HAVCR2: variants seen among roughly 807,000 people sequenced by gnomAD.
The protein encoded by HAVCR2 is hepatitis A virus cellular receptor 2, also known as T cell immunoglobulin mucin 3.
A neutral mutation model predicts 24.7 loss-of-function variants in HAVCR2; 13 were observed. The ratio of observed to expected loss-of-function variants is 0.53; its 90% CI spans 0.34 to 0.84. The LOEUF is 0.84. Ranked by LOEUF, HAVCR2 falls within the 40% of genes least tolerant of loss-of-function variation. The pLI, the probability that HAVCR2 is intolerant of heterozygous loss-of-function variation, is 0.01. For missense variants in HAVCR2, 343 were observed against 371.2 expected, an observed-to-expected ratio of 0.92 and a Z score of 0.62; for synonymous variants, 154 against 143.4, an observed-to-expected ratio of 1.07 and a Z score of -0.53.
At chr5:157,104,837 C>T (rs796258996) in intron 2 of HAVCR2, 88 bp from the exon 3 acceptor site, 34 of 915,704 alleles carry the variant, frequency 3.7e-5, no homozygotes, top group Middle Eastern at 5.5e-4. Context: ...GAAAAAAATG[C>T]GAAAGACAAT....
At chr5:157,102,225 C>A (rs532826132) in intron 3 of HAVCR2, among the ~76,000 whole-genome samples, 1 of 152,208 alleles carries the variant, frequency 6.6e-6, no homozygotes, top group Admixed American at 6.5e-5. Flanking sequence ...GTGTGAGCCA[C>A]TGCACTCAGC....
intron 1 of HAVCR2, among the ~76,000 whole-genome samples, chr5:157,108,091 T>C (rs562297377): frequency 2.6e-5 from 4 of 152,240 alleles, no homozygotes; most frequent in African/African-American, 9.6e-5. Flanking sequence ...TTATATATGA[T>C]AAAACATTCA....
intron 5 of HAVCR2, among the ~76,000 whole-genome samples, chr5:157,090,585 G>A (rs1352135695): frequency 6.6e-6 from 1 of 151,974 alleles, no homozygotes; most frequent in African/African-American, 2.4e-5. Context: ...ATCTCAATAT[G>A]TTGCCCAGGC....
intron 3 of HAVCR2, among the ~76,000 whole-genome samples, chr5:157,103,914 CAT>C (rs1186368173): frequency 1.1e-4 from 16 of 152,140 alleles, no homozygotes; most frequent in Admixed American, 1.0e-3. Context: ...CAACAGCTAA[CAT>C]GTACAAATTG....
chr5:157,089,157 T>C (rs1188646982), intron 5 of HAVCR2, among the ~76,000 whole-genome samples, 180 bp from the exon 6 acceptor site: 2 of 152,176 alleles, frequency 1.3e-5, no homozygotes, highest in Non-Finnish European at 2.9e-5. Flanking sequence ...TAGAAAATAA[T>C]AATAAAGATG....
At chr5:157,094,854 A>T (rs1039666026) in intron 5 of HAVCR2, among the ~76,000 whole-genome samples, 1 of 152,208 alleles carries the variant, frequency 6.6e-6, no homozygotes, top group Non-Finnish European at 1.5e-5. Flanking sequence ...CTGAGAAACC[A>T]ATAACAGAAA....
At chr5:157,099,905 A>G (rs1451664341) in intron 3 of HAVCR2, among the ~76,000 whole-genome samples, 1 of 152,162 alleles carries the variant, frequency 6.6e-6, no homozygotes, top group Non-Finnish European at 1.5e-5. Context: ...CATGTTGGCC[A>G]GGCTAGTCTC....
intron 5 of HAVCR2, among the ~76,000 whole-genome samples, chr5:157,090,237 T>G (rs1199977980): frequency 1.4e-5 from 2 of 146,246 alleles, no homozygotes; most frequent in Non-Finnish European, 3.0e-5. Context: ...TCAAGGGATC[T>G]ACCCATCTCA....
chr5:157,099,923 T>C (rs1258951015), intron 3 of HAVCR2, among the ~76,000 whole-genome samples: 1 of 152,164 alleles, frequency 6.6e-6, no homozygotes, highest in Non-Finnish European at 1.5e-5. Flanking sequence ...CTCGAACTCC[T>C]GACCTCAAGT....
At chr5:157,094,571 T>TG (rs779146922) in intron 5 of HAVCR2, among the ~76,000 whole-genome samples, 2 of 151,696 alleles carry the variant, frequency 1.3e-5, no homozygotes, top group African/African-American at 2.4e-5. Flanking sequence ...TTAGTAGAGA[T>TG]GGGGTCTCAC....
rs977349621 is a variant in HAVCR2 at position 157,085,917 on chromosome 5, A to C, written c.*1185T>G. On this transcript the variant is annotated 3_prime_UTR_variant, in exon 7 of 7. Transcript: ENST00000307851. Reference sequence around the variant, plus strand: ...GGGGCAACAATAAGCAAGACAGATCAAGCCTATACCGTCTTGAAATTTAAG... The same window carrying C: ...GGGGCAACAATAAGCAAGACAGATCCAGCCTATACCGTCTTGAAATTTAAG... 2 of 152,208 alleles carry C rather than the reference A, an allele frequency of 1.3e-5. No homozygotes were observed. Among genetic ancestry groups the C allele is most frequent in the African/African-American group, 4.8e-5 (2 of 41,458 alleles). The allele number at this position is 152,208 out of a possible 1,614,324, so 9.4% of individuals were successfully genotyped here.
At chr5:157,089,078 C>T in intron 5 of HAVCR2, 101 bp from the exon 6 acceptor site, 1 of 965,492 alleles carries the variant, frequency 1.0e-6, no homozygotes. Context: ...TTAGGGAAAT[C>T]TGGTCTCATC....
intron 2 of HAVCR2, among the ~76,000 whole-genome samples, chr5:157,105,142 G>T (rs940080513): frequency 1.3e-5 from 2 of 151,042 alleles, no homozygotes; most frequent in Admixed American, 6.6e-5. Context: ...TCGGCTCACT[G>T]CAACCTCCGC....
chr5:157,106,303 T>C, intron 2 of HAVCR2: 1 of 227,966 alleles, frequency 4.4e-6, no homozygotes, highest in Non-Finnish European at 8.7e-6. Context: ...GCTAATTTTT[T>C]GTATTTTTAG....
At position 157,095,365 on chromosome 5, in the gene HAVCR2, C is replaced by G. The variant is rs767714424; in HGVS notation, c.617G>C (p.Gly206Ala). The G allele has an allele frequency of 6.2e-7, 1 of 1,614,076 alleles. No homozygotes were observed. Among genetic ancestry groups the G allele is most frequent in the Non-Finnish European group, 8.5e-7 (1 of 1,180,008 alleles). Residue 206 changes from glycine (G) to alanine (A), a missense_variant, in exon 5 of 7, where the codon GGA (glycine) becomes GCA (alanine). Transcript: ENST00000307851. ...AGCCAGCCCAGCACAGATCCCTGCTCCGATGTAGATGCCTATTCTGATGGT... is the reference window on the plus strand; with the variant it reads ...AGCCAGCCCAGCACAGATCCCTGCTGCGATGTAGATGCCTATTCTGATGGT... ...GATIRIGIYIGAGICAGLALA... is the reference protein window; with the variant it reads ...GATIRIGIYIAAGICAGLALA...
At chr5:157,101,897 T>C (rs1757172431) in intron 3 of HAVCR2, among the ~76,000 whole-genome samples, 1 of 150,302 alleles carries the variant, frequency 6.7e-6, no homozygotes, top group Non-Finnish European at 1.5e-5. Flanking sequence ...GCCTCAGCCC[T>C]GCCAAGTAGC....
Position 157,088,923 on chromosome 5 carries a change from C to T in HAVCR2, c.713+18G>A. The T allele has an allele frequency of 6.2e-7, 1 of 1,605,102 alleles. No homozygotes were observed. Among genetic ancestry groups the T allele is most frequent in the Non-Finnish European group, 8.5e-7 (1 of 1,173,668 alleles). On this transcript the variant is annotated intron_variant, in intron 6 of 6. Coordinates refer to ENST00000307851, the MANE Select transcript of HAVCR2 (RefSeq NM_032782.5). ...CCAAGATTCTCACCTTTTCCCAACCCCATTCCATTATTCTTACCTTAAATT... is the reference window on the plus strand; with the variant it reads ...CCAAGATTCTCACCTTTTCCCAACCTCATTCCATTATTCTTACCTTAAATT...
At chr5:157,092,077 A>G (rs909033704) in intron 5 of HAVCR2, among the ~76,000 whole-genome samples, 3 of 151,884 alleles carry the variant, frequency 2.0e-5, no homozygotes, top group Admixed American at 1.3e-4. Context: ...GATTTCCTCT[A>G]GATCCCATCA....
chr5:157,096,048 A>T (rs1757090428), intron 4 of HAVCR2, among the ~76,000 whole-genome samples: 1 of 152,010 alleles, frequency 6.6e-6, no homozygotes, highest in Non-Finnish European at 1.5e-5. Context: ...CAACATGGTG[A>T]AACCCCGTCT....
Sources: gnomAD v4.1 joint callset for allele counts (sites outside exome capture counted in the v4.1 genomes callset) on GRCh38, gnomAD v4.1.1 for gene constraint, MANE v1.5 for transcripts, NCBI Gene and HGNC (gene_info 2026-07-23, HGNC 2026-07-21) for gene names.